The following SRBD1 variants were observed in gnomAD, a reference collection of about 807,000 sequenced individuals.
The protein encoded by SRBD1 is S1 RNA-binding domain-containing protein 1.
A neutral mutation model predicts 115.3 loss-of-function variants in SRBD1; 88 were observed. That is an observed-to-expected ratio of 0.76 (90% CI 0.64 to 0.91). SRBD1 has a LOEUF of 0.91. Ranked by LOEUF, SRBD1 falls within the 40% of genes least tolerant of loss-of-function variation. The pLI is 0.00. For missense variants in SRBD1, 1,385 were observed against 1,177.4 expected, an observed-to-expected ratio of 1.18 and a Z score of -2.58; for synonymous variants, 509 against 407.7, an observed-to-expected ratio of 1.25 and a Z score of -2.99.
chr2:45,393,079 A>G lies in SRBD1; in HGVS notation c.2564T>C (p.Met855Thr). 1 of 1,613,644 alleles carries G rather than the reference A, an allele frequency of 6.2e-7. No individual in the cohort carries two copies. Among genetic ancestry groups the G allele is most frequent in the Non-Finnish European group, 8.5e-7 (1 of 1,179,868 alleles). The change falls in exon 20 of 21, where the codon ATG (methionine) becomes ACG (threonine). Residue 855 changes from methionine (M) to threonine (T), a missense_variant. By Grantham distance (81) the Met-to-Thr change is moderately conservative. Coordinates refer to ENST00000263736, the MANE Select transcript of SRBD1 (RefSeq NM_018079.5). ...AAGGAATGAATTTATTTTTTGTTGCATTTCAGGCTTTCCAACCTCATACAG... is the reference window on the plus strand; with the variant it reads ...AAGGAATGAATTTATTTTTTGTTGCGTTTCAGGCTTTCCAACCTCATACAG... ...GTLYEVGKPE[M>T]QQKINSFLEK...
chr2:45,396,014 T>C (rs1223372367), intron 19 of SRBD1, among the ~76,000 whole-genome samples: 3 of 152,202 alleles, frequency 2.0e-5, no homozygotes, highest in African/African-American at 2.4e-5. Context: ...TTTATGAAGC[T>C]TGGCATACAG....
intron 1 of SRBD1, among the ~76,000 whole-genome samples, chr2:45,606,562 A>G (rs2104268324): frequency 6.6e-6 from 1 of 152,348 alleles, no homozygotes; most frequent in Non-Finnish European, 1.5e-5. Flanking sequence ...TTATTCTTAA[A>G]ACAAGATAAT....
intron 1 of SRBD1, among the ~76,000 whole-genome samples, chr2:45,607,219 TCTTA>T (rs1166606330): frequency 6.6e-6 from 1 of 152,194 alleles, no homozygotes. Context: ...ATTATGTGTA[TCTTA>T]CCACAACAAA....
intron 1 of SRBD1, among the ~76,000 whole-genome samples, chr2:45,608,242 AC>A (rs1283150739): frequency 6.6e-6 from 1 of 152,220 alleles, no homozygotes; most frequent in African/African-American, 2.4e-5. Context: ...AAAGCAATAT[AC>A]CATGGAAAGA....
At chr2:45,487,808 C>T (rs1022912024) in intron 15 of SRBD1, among the ~76,000 whole-genome samples, 1 of 152,114 alleles carries the variant, frequency 6.6e-6, no homozygotes, top group Admixed American at 6.5e-5. Context: ...CACCTGCCAC[C>T]ATGCCCAACT....
intron 16 of SRBD1, among the ~76,000 whole-genome samples, chr2:45,469,054 TG>T (rs1262196803): frequency 6.6e-6 from 1 of 152,186 alleles, no homozygotes; most frequent in Non-Finnish European, 1.5e-5. Flanking sequence ...TGTTTTTCTC[TG>T]GAATTGTCTT....
chr2:45,541,453 G>T (rs1362082164), intron 14 of SRBD1, among the ~76,000 whole-genome samples: 1 of 152,214 alleles, frequency 6.6e-6, no homozygotes, highest in Non-Finnish European at 1.5e-5. Context: ...CCACCATTTG[G>T]TGGAACCAGA....
intron 16 of SRBD1, among the ~76,000 whole-genome samples, chr2:45,422,008 G>C (rs1434675796): frequency 6.6e-6 from 1 of 152,144 alleles, no homozygotes; most frequent in Admixed American, 6.6e-5. Flanking sequence ...CAGATGAAAA[G>C]CAGCAAAATG....
intron 14 of SRBD1, among the ~76,000 whole-genome samples, chr2:45,531,122 A>G (rs17033792): frequency 0.014 from 2,064 of 151,880 alleles, 53 homozygotes; most frequent in African/African-American, 0.047. Flanking sequence ...AGTCTGTCTC[A>G]AATATCTGCT....
intron 4 of SRBD1, among the ~76,000 whole-genome samples, chr2:45,598,768 A>G (rs549282599): frequency 1.1e-3 from 170 of 152,210 alleles, no homozygotes; most frequent in African/African-American, 3.9e-3. Context: ...AAGAGTACAC[A>G]ATAGAATCAC....
At chr2:45,528,885 C>T (rs1316589162) in intron 14 of SRBD1, among the ~76,000 whole-genome samples, 7 of 151,866 alleles carry the variant, frequency 4.6e-5, no homozygotes, top group Non-Finnish European at 1.0e-4. Context: ...TCTAGATAAG[C>T]TACAGCTTAG....
intron 14 of SRBD1, among the ~76,000 whole-genome samples, chr2:45,514,246 C>A (rs1671055847): frequency 6.6e-6 from 1 of 152,052 alleles, no homozygotes; most frequent in South Asian, 2.1e-4. Flanking sequence ...TTTCCTATAA[C>A]CTGATTTTTC....
intron 16 of SRBD1, among the ~76,000 whole-genome samples, chr2:45,458,547 G>C (rs573401990): frequency 6.6e-6 from 1 of 152,180 alleles, no homozygotes; most frequent in Non-Finnish European, 1.5e-5. Flanking sequence ...TTCACACTTG[G>C]CTTCAAAATT....
chr2:45,397,826 T>C (rs1421269025), intron 19 of SRBD1, among the ~76,000 whole-genome samples: 5 of 152,144 alleles, frequency 3.3e-5, no homozygotes, highest in Non-Finnish European at 5.9e-5. Context: ...TTCAAACTTC[T>C]GGGCTCAAGA....
At position 45,546,576 on chromosome 2, in the gene SRBD1, C is replaced by T. The variant is rs76562679; in HGVS notation, c.1874+156G>A. Among the ~76,000 whole-genome samples, 564 of 152,298 alleles carry T rather than the reference C, an allele frequency of 3.7e-3. 10 individuals are homozygous for T. Among genetic ancestry groups the T allele is most frequent in the African/African-American group, 0.013 (532 of 41,560 alleles). The stretch of plus-strand genomic sequence containing the variant: ...CTCAAATTTCTCCAAGAGTCAGACA[C>T]TTTACATTATCCTGCAAAGTTCTCA... On this transcript the variant is annotated intron_variant, in intron 14 of 20. Coordinates refer to ENST00000263736, the MANE Select transcript of SRBD1 (RefSeq NM_018079.5).
intron 15 of SRBD1, among the ~76,000 whole-genome samples, chr2:45,483,550 T>C (rs1670027877): frequency 6.6e-6 from 1 of 152,130 alleles, no homozygotes; most frequent in Non-Finnish European, 1.5e-5. Flanking sequence ...ATGAAATATC[T>C]AGAATCCTAA....
At chr2:45,531,501 A>G (rs1671610544) in intron 14 of SRBD1, among the ~76,000 whole-genome samples, 1 of 151,752 alleles carries the variant, frequency 6.6e-6, no homozygotes, top group Non-Finnish European at 1.5e-5. Context: ...ATAACATTCC[A>G]TAATTTCTAT....
At chr2:45,586,804 C>A (rs1673538865) in intron 4 of SRBD1, among the ~76,000 whole-genome samples, 1 of 150,720 alleles carries the variant, frequency 6.6e-6, no homozygotes, top group African/African-American at 2.4e-5. Flanking sequence ...GTCTCAGCCT[C>A]CGAAAGTGCT....
rs1480664145 is a variant in SRBD1, at chr2:45,602,033, T to G, written c.131A>C (p.Gln44Pro). Residue 44 changes from glutamine to proline, a missense_variant, in exon 3 of 21, where the codon CAA (glutamine) becomes CCA (proline). Coordinates refer to ENST00000263736, the MANE Select transcript of SRBD1 (RefSeq NM_018079.5). ...DDKEDSAWEP[Q>P]KKVPRSRKQP... ...TTTACGGCTTCTGGGAACTTTCTTT[T>G]GGGGCTCCCAGGCACTATCTTCCTT... 2 of 1,614,144 alleles carry G rather than the reference T, an allele frequency of 1.2e-6. No homozygotes were observed. The highest frequency in any genetic ancestry group is 1.7e-4 in the Middle Eastern group (1 of 6,060).
Sources: allele counts gnomAD v4.1 joint callset (sites outside exome capture counted in the v4.1 genomes callset), GRCh38; gene constraint gnomAD v4.1.1; transcripts MANE v1.5; gene names NCBI Gene and HGNC (gene_info 2026-07-23, HGNC 2026-07-21).